Variants in POLA1 observed in about 807,000 individuals in gnomAD.
The protein encoded by POLA1 is DNA polymerase alpha catalytic subunit.
A neutral mutation model predicts 124.0 loss-of-function variants in POLA1; 15 were observed. The ratio of observed to expected loss-of-function variants is 0.12; its 90% CI spans 0.08 to 0.19. POLA1 has a LOEUF of 0.19. Ranked by LOEUF, POLA1 falls within the 10% of genes least tolerant of loss-of-function variation. The probability of loss-of-function intolerance (pLI) is 1.00; values close to 1 mark genes in which losing one functional copy is unlikely to be tolerated. For synonymous variants in POLA1, 408 were observed against 389.4 expected, an observed-to-expected ratio of 1.05 and a Z score of -0.56; for missense variants, 886 against 1,103.4, an observed-to-expected ratio of 0.80 and a Z score of 2.79.
rs150195244 is a variant in POLA1, at chrX:24,841,719, T to A, written c.3804T>A (p.Gly1268=). ...HKDEENDALL[G]GPAQLTDEEK... ...ATGAAGAGAATGATGCTCTACTTGG[T>A]GGCCCAGCACAGCTCACTGATGAAG... is the stretch of plus-strand genomic sequence containing the variant. Residue 1268 remains glycine, a synonymous_variant, in exon 33 of 37, where the codon GGT becomes GGA. Transcript: ENST00000379068. 2.5e-6 allele frequency: 3 copies of A among 1,185,389 alleles called. No individual in the cohort carries two copies. In the African/African-American group the frequency reaches 5.3e-5, roughly 21 times the overall value.
intron 26 of POLA1, chrX:24,775,072 G>T (rs1437914016): frequency 1.8e-5 from 2 of 111,030 alleles, no homozygotes; most frequent in African/African-American, 6.6e-5. Context: ...TTTAAATTAT[G>T]TGTTTTTTTT....
At chrX:24,808,286 GGTA>G (rs1272077006) in intron 26 of POLA1, among the ~76,000 whole-genome samples, 1 of 111,359 alleles carries the variant, frequency 9.0e-6, no homozygotes, top group Non-Finnish European at 1.9e-5. Context: ...AGTCTAAAAA[GGTA>G]GTCCCCCACC....
intron 26 of POLA1, among the ~76,000 whole-genome samples, chrX:24,808,970 C>G (rs2045852634): frequency 9.0e-6 from 1 of 111,504 alleles, no homozygotes; most frequent in South Asian, 3.8e-4. Context: ...GACTAAGACC[C>G]CATACTCGAG....
chrX:24,983,629 G>A (rs753856698), intron 36 of POLA1, among the ~76,000 whole-genome samples: 25 of 111,961 alleles, frequency 2.2e-4, no homozygotes, highest in Non-Finnish European at 4.5e-4. Flanking sequence ...GGTTTTCTGG[G>A]CTTATTGCCA....
intron 26 of POLA1, among the ~76,000 whole-genome samples, chrX:24,797,315 AT>A (rs200418135): frequency 7.4e-5 from 8 of 108,471 alleles, no homozygotes; most frequent in African/African-American, 1.3e-4. Flanking sequence ...TTAAAACTTA[AT>A]TTTTTTTTTA....
chrX:24,888,821 A>T (rs1187402061), intron 35 of POLA1, among the ~76,000 whole-genome samples: 1 of 106,850 alleles, frequency 9.4e-6, no homozygotes, highest in African/African-American at 3.4e-5. Flanking sequence ...TGATCCGCCC[A>T]CCTCGGTCTC....
At chrX:24,858,734 A>C (rs2046679210) in intron 34 of POLA1, among the ~76,000 whole-genome samples, 1 of 111,818 alleles carries the variant, frequency 8.9e-6, no homozygotes, top group Admixed American at 9.4e-5. Flanking sequence ...AATTTTTCAA[A>C]CTTGTTTTAC....
chrX:24,986,908 G>A (rs764473666), intron 36 of POLA1, among the ~76,000 whole-genome samples: 75 of 111,230 alleles, frequency 6.7e-4, no homozygotes, highest in African/African-American at 2.4e-3. Context: ...TATCCAGAGC[G>A]TTGGCCCTCT....
intron 35 of POLA1, among the ~76,000 whole-genome samples, chrX:24,893,596 A>C (rs538633462): frequency 1.8e-5 from 2 of 111,190 alleles, no homozygotes; most frequent in African/African-American, 6.5e-5. Flanking sequence ...CCCTGTTGTC[A>C]CTATGGATTG....
intron 26 of POLA1, among the ~76,000 whole-genome samples, chrX:24,756,772 A>T (rs1038445039): frequency 9.0e-6 from 1 of 110,729 alleles, no homozygotes; most frequent in African/African-American, 3.3e-5. Context: ...ATGATAAAGA[A>T]CGCTGGTTCT....
intron 36 of POLA1, among the ~76,000 whole-genome samples, chrX:24,963,376 T>C (rs919136529): frequency 8.9e-6 from 1 of 111,839 alleles, no homozygotes; most frequent in Non-Finnish European, 1.9e-5. Flanking sequence ...TAAAAGACTC[T>C]TTGTCTCACC....
chrX:24,982,464 G>A (rs149524663), intron 36 of POLA1, among the ~76,000 whole-genome samples: 85 of 108,760 alleles, frequency 7.8e-4, no homozygotes, highest in Middle Eastern at 4.7e-3. Flanking sequence ...TTTACTTATT[G>A]TCTTCACCTC....
In POLA1 at chrX:24,723,893, C is replaced by A. The variant is rs369896199; in HGVS notation, c.1201-442C>A. Among the ~76,000 whole-genome samples, 40 of 112,352 alleles carry A rather than the reference C, an allele frequency of 3.6e-4. 1 individual carries two copies. The Admixed American group carries it at 3.7e-3, about 10-fold the overall frequency. ...ACAGGGTTTCACCATGTTGATCAGG[C>A]TGGTCTCAAACTCCTGACCTTGTGA... On this transcript the variant is annotated intron_variant, in intron 11 of 36. Transcript: ENST00000379068.
chrX:24,816,735 T>G (rs1369973869), intron 30 of POLA1, among the ~76,000 whole-genome samples: 1 of 111,682 alleles, frequency 9.0e-6, no homozygotes, highest in African/African-American at 3.3e-5. Context: ...AGGGATGAGT[T>G]TGGGAGTGTC....
intron 34 of POLA1, among the ~76,000 whole-genome samples, chrX:24,855,898 T>A (rs2147089423): frequency 8.9e-6 from 1 of 112,179 alleles, no homozygotes; most frequent in South Asian, 3.7e-4. Flanking sequence ...ACAATCCATG[T>A]ATAAGTTGAC....
chrX:24,845,603 T>C (rs1339352584), intron 34 of POLA1, among the ~76,000 whole-genome samples: 1 of 111,886 alleles, frequency 8.9e-6, no homozygotes, highest in African/African-American at 3.2e-5. Flanking sequence ...ATTGAGTTTC[T>C]TTTGTTATTG....
At chrX:24,946,890 A>G (rs972523248) in intron 36 of POLA1, among the ~76,000 whole-genome samples, 4 of 111,851 alleles carry the variant, frequency 3.6e-5, no homozygotes, top group Non-Finnish European at 7.5e-5. Flanking sequence ...CAACTGTGTC[A>G]TAAAAAATTT....
At chrX:24,975,025 T>G (rs771960378) in intron 36 of POLA1, among the ~76,000 whole-genome samples, 6 of 112,215 alleles carry the variant, frequency 5.3e-5, no homozygotes, top group African/African-American at 1.9e-4. Flanking sequence ...TTTGTTTGTT[T>G]GTTTGAGATG....
At chrX:24,777,860 A>G (rs1197173738) in intron 26 of POLA1, among the ~76,000 whole-genome samples, 3 of 112,197 alleles carry the variant, frequency 2.7e-5, no homozygotes, top group African/African-American at 9.7e-5. Flanking sequence ...TGGGCAGGTA[A>G]TCACTTGGCT....
Sources: allele counts gnomAD v4.1 joint callset (sites outside exome capture counted in the v4.1 genomes callset), GRCh38; gene constraint gnomAD v4.1.1; transcripts MANE v1.5; gene names NCBI Gene and HGNC (gene_info 2026-07-23, HGNC 2026-07-21).